TANC2: variants seen among roughly 807,000 people sequenced by gnomAD.
TANC2 encodes tetratricopeptide repeat, ankyrin repeat and coiled-coil containing 2, also known as protein TANC2.
Under a neutral mutation model 210.5 loss-of-function variants are expected in TANC2, and 26 were observed. The observed-to-expected ratio is 0.12, with a 90% CI of 0.09 to 0.17. The LOEUF (loss-of-function observed/expected upper bound fraction) is 0.17. Ranked by LOEUF, TANC2 falls within the 10% of genes least tolerant of loss-of-function variation. The pLI is 1.00. For synonymous variants in TANC2, 931 were observed against 967.1 expected (o/e 0.96, Z 0.69); for missense variants, 2,129 against 2,608.9 (o/e 0.82, Z 4.01).
intron 3 of TANC2, among the ~76,000 whole-genome samples, chr17:63,082,129 C>A (rs1464384994): frequency 6.6e-6 from 1 of 152,136 alleles, no homozygotes; most frequent in Admixed American, 6.5e-5. Context: ...CAAGGTCTTG[C>A]CACTACACTC....
rs1452005342 is a variant in TANC2 at position 63,421,674 on chromosome 17, A to G, written c.5944A>G (p.Ser1982Gly). ...GTCCTTCAGTCCACCATCATCCATCAGCAACATTGCCTTTTATAACAAAAC... is the reference window on the plus strand; with the variant it reads ...GTCCTTCAGTCCACCATCATCCATCGGCAACATTGCCTTTTATAACAAAAC... The change falls in exon 28 of 28, where the codon AGC (serine) becomes GGC (glycine). Residue 1982 changes from serine (S) to glycine (G), a missense_variant. By Grantham distance (56) the Ser-to-Gly change is moderately conservative. Transcript: ENST00000689528. This position sits in a 1 kb window ranked among gnomAD's most constrained non-coding sequence, Gnocchi z 6.9. 1 of 1,613,942 alleles carries G rather than the reference A, an allele frequency of 6.2e-7. No homozygotes were observed. Among genetic ancestry groups the G allele is most frequent in the Non-Finnish European group, 8.5e-7 (1 of 1,179,916 alleles).
At chr17:62,984,718 A>G in intron 1 of TANC2, among the ~76,000 whole-genome samples, 1 of 151,398 alleles carries the variant, frequency 6.6e-6, no homozygotes, top group East Asian at 1.9e-4. Flanking sequence ...TCCTTCATTC[A>G]TTGGTTGTTC....
chr17:63,248,863 T>C (rs2042983337), intron 8 of TANC2, among the ~76,000 whole-genome samples: 2 of 152,290 alleles, frequency 1.3e-5, no homozygotes, highest in South Asian at 4.1e-4. Flanking sequence ...ATATTTATGG[T>C]GAATTATTTT....
chr17:63,405,090 A>ACCTAT, intron 19 of TANC2, 32 bp from the exon 20 acceptor site: 1 of 1,587,950 alleles, frequency 6.3e-7, no homozygotes, highest in Non-Finnish European at 8.6e-7. Context: ...GACCAGAACC[A>ACCTAT]CCTATCCTCA....
intron 1 of TANC2, among the ~76,000 whole-genome samples, chr17:62,975,099 TG>T (rs377015709): frequency 4.7e-4 from 72 of 152,326 alleles, no homozygotes; most frequent in African/African-American, 1.7e-3. Flanking sequence ...TTATAGTTAT[TG>T]AACTTGGAAA....
chr17:63,209,206 T>C (rs982737429), intron 7 of TANC2, among the ~76,000 whole-genome samples: 20 of 151,878 alleles, frequency 1.3e-4, no homozygotes, highest in Non-Finnish European at 1.6e-4. Flanking sequence ...AGAGACAGGA[T>C]TTTAACATAT....
intron 5 of TANC2, among the ~76,000 whole-genome samples, chr17:63,189,584 G>T (rs959451521): frequency 2.0e-5 from 3 of 151,936 alleles, no homozygotes; most frequent in African/African-American, 7.3e-5. Context: ...CCAGTATTTT[G>T]CCTATGTTCT....
chr17:62,997,767 C>T (rs1197313062), intron 1 of TANC2, among the ~76,000 whole-genome samples: 2 of 152,020 alleles, frequency 1.3e-5, no homozygotes, highest in African/African-American at 4.8e-5. Context: ...ATTTATTTGG[C>T]ATAGTTCTAA....
chr17:62,988,768 C>G (rs2032705987), intron 1 of TANC2, among the ~76,000 whole-genome samples: 1 of 152,114 alleles, frequency 6.6e-6, no homozygotes, highest in African/African-American at 2.4e-5. Context: ...TTAGATGCCC[C>G]AGATTTTCAA....
chr17:63,093,814 A>G (rs929697356), intron 3 of TANC2, among the ~76,000 whole-genome samples: 5 of 151,886 alleles, frequency 3.3e-5, no homozygotes, highest in South Asian at 2.1e-4. Flanking sequence ...GTATCTCACT[A>G]TGTTGCTCAG....
chr17:63,287,365 G>T (rs1230334032), intron 9 of TANC2, among the ~76,000 whole-genome samples: 1 of 152,072 alleles, frequency 6.6e-6, no homozygotes, highest in African/African-American at 2.4e-5. Flanking sequence ...TCTAACATCT[G>T]TCTTATTTGT....
intron 9 of TANC2, among the ~76,000 whole-genome samples, chr17:63,300,132 A>G (rs771167285): frequency 3.3e-5 from 5 of 152,026 alleles, no homozygotes; most frequent in Non-Finnish European, 7.4e-5. Context: ...GTTCTGTTCC[A>G]TTGGTCTGTA....
At chr17:63,183,760 G>GTA (rs2040874134) in intron 5 of TANC2, among the ~76,000 whole-genome samples, 2 of 152,342 alleles carry the variant, frequency 1.3e-5, no homozygotes, top group South Asian at 4.1e-4. Flanking sequence ...GCTCACGCCT[G>GTA]TAATCCCAGC....
intron 1 of TANC2, among the ~76,000 whole-genome samples, chr17:62,995,661 A>G (rs1014022940): frequency 1.3e-5 from 2 of 152,228 alleles, no homozygotes; most frequent in African/African-American, 4.8e-5. Flanking sequence ...CTGACTGTGG[A>G]ACCCATCATC....
intron 8 of TANC2, among the ~76,000 whole-genome samples, chr17:63,266,494 T>C (rs2043532219): frequency 1.3e-5 from 2 of 152,196 alleles, no homozygotes; most frequent in Non-Finnish European, 2.9e-5. Flanking sequence ...ACTGTCATAA[T>C]TCTTGTTTCC....
chr17:63,371,207 G>T (rs2047258708), intron 14 of TANC2, among the ~76,000 whole-genome samples: 1 of 152,190 alleles, frequency 6.6e-6, no homozygotes, highest in Non-Finnish European at 1.5e-5. Flanking sequence ...GCTCACGCCT[G>T]TAATCCCAGC....
At chr17:63,387,262 C>G (rs1043147235) in intron 15 of TANC2, among the ~76,000 whole-genome samples, 1 of 152,148 alleles carries the variant, frequency 6.6e-6, no homozygotes, top group Non-Finnish European at 1.5e-5. Flanking sequence ...TTAAAACGTT[C>G]GTGTATCTAG....
intron 5 of TANC2, among the ~76,000 whole-genome samples, chr17:63,193,450 T>G (rs2041248831): frequency 6.6e-6 from 1 of 152,200 alleles, no homozygotes; most frequent in African/African-American, 2.4e-5. Context: ...TCTTACCTTC[T>G]TAGCATTTGG....
At chr17:63,191,719 TC>T (rs1163195655) in intron 5 of TANC2, among the ~76,000 whole-genome samples, 1 of 152,128 alleles carries the variant, frequency 6.6e-6, no homozygotes, top group Non-Finnish European at 1.5e-5. Context: ...TGCCTCGGCA[TC>T]CCAAAGTGCT....
Sources: gnomAD v4.1 joint callset for allele counts (sites outside exome capture counted in the v4.1 genomes callset) on GRCh38, gnomAD v4.1.1 for gene constraint, Gnocchi (gnomAD v3.1) non-coding constraint, MANE v1.5 for transcripts, NCBI Gene and HGNC (gene_info 2026-07-23, HGNC 2026-07-21) for gene names.